KCNIP4: variants seen among roughly 807,000 people sequenced by gnomAD.
KCNIP4 encodes the protein potassium voltage-gated channel interacting protein 4.
In KCNIP4, 12 loss-of-function variants were observed where a neutral mutation model predicts 34.0. That is an observed-to-expected ratio of 0.35 (90% CI 0.23 to 0.57). KCNIP4 has a LOEUF of 0.57. Among genes scored for constraint, KCNIP4 ranks in the 20% least tolerant of loss-of-function variants. The pLI, the probability that KCNIP4 is intolerant of heterozygous loss-of-function variation, is 0.83. For synonymous variants in KCNIP4, 124 were observed against 102.2 expected (o/e 1.21, Z -1.29); for missense variants, 238 against 311.7 (o/e 0.76, Z 1.78).
intron 1 of KCNIP4, among the ~76,000 whole-genome samples, chr4:21,553,338 G>A (rs181929061): frequency 7.9e-5 from 12 of 152,242 alleles, no homozygotes; most frequent in East Asian, 3.9e-4. Context: ...TGGCAGAGGC[G>A]TTGAGAGAAT....
chr4:21,045,985 G>A (rs1742392030), intron 1 of KCNIP4, among the ~76,000 whole-genome samples: 1 of 152,140 alleles, frequency 6.6e-6, no homozygotes, highest in South Asian at 2.1e-4. Flanking sequence ...TATTTAAATA[G>A]GAGAATGGGA....
At chr4:21,894,663 GTTATT>G (rs1251297516) in intron 1 of KCNIP4, among the ~76,000 whole-genome samples, 1 of 152,100 alleles carries the variant, frequency 6.6e-6, no homozygotes, top group Non-Finnish European at 1.5e-5. Flanking sequence ...TCTGATTAGT[GTTATT>G]TTATCACTTA....
chr4:21,221,838 A>C (rs1313409566), intron 1 of KCNIP4, among the ~76,000 whole-genome samples: 1 of 152,214 alleles, frequency 6.6e-6, no homozygotes, highest in African/African-American at 2.4e-5. Context: ...TACAATCTGA[A>C]TCTAGGCAGC....
At chr4:21,782,107 A>G (rs556010569) in intron 1 of KCNIP4, among the ~76,000 whole-genome samples, 1 of 152,348 alleles carries the variant, frequency 6.6e-6, no homozygotes, top group South Asian at 2.1e-4. Flanking sequence ...AAGCATAACA[A>G]CAATTACATT....
chr4:20,947,469 G>A (rs1174774584), intron 1 of KCNIP4, among the ~76,000 whole-genome samples: 6 of 152,064 alleles, frequency 3.9e-5, no homozygotes, highest in South Asian at 2.1e-4. Flanking sequence ...ACACCTGGCT[G>A]ATATTCCTAG....
intron 1 of KCNIP4, among the ~76,000 whole-genome samples, chr4:20,988,761 C>T (rs1464217825): frequency 1.3e-5 from 2 of 152,126 alleles, no homozygotes; most frequent in East Asian, 1.9e-4. Flanking sequence ...GGGTTATTTT[C>T]GATTGAAGGC....
At chr4:21,512,030 A>AGAAGGAAGGAGGGAAGGAAAAAGAAT (rs1734360393) in intron 1 of KCNIP4, among the ~76,000 whole-genome samples, 1 of 148,956 alleles carries the variant, frequency 6.7e-6, no homozygotes, top group East Asian at 2.0e-4. Context: ...AGGGAGGAAG[A>AGAAGGAAGGAGGGAAGGAAAAAGAAT]GAAGGAAGGA....
intron 1 of KCNIP4, among the ~76,000 whole-genome samples, chr4:21,775,927 G>A (rs1177702811): frequency 2.6e-5 from 4 of 152,222 alleles, no homozygotes; most frequent in African/African-American, 4.8e-5. Context: ...CCCCTAAGGA[G>A]CTCAAATGGG....
chr4:20,752,827 A>G (rs1753883026), intron 4 of KCNIP4: 1 of 152,238 alleles, frequency 6.6e-6, no homozygotes, highest in Non-Finnish European at 1.5e-5. Context: ...GAAACTGTCT[A>G]CAAAAGCATC....
At chr4:21,941,830 CA>C (rs1730219327) in intron 1 of KCNIP4, among the ~76,000 whole-genome samples, 1 of 152,176 alleles carries the variant, frequency 6.6e-6, no homozygotes, top group South Asian at 2.1e-4. Flanking sequence ...GCCAAATGCT[CA>C]ATATGGAAAA....
At chr4:21,514,297 C>T (rs1460478) in intron 1 of KCNIP4, among the ~76,000 whole-genome samples, 49,008 of 151,964 alleles carry the variant, frequency 0.32, 8,251 homozygotes, top group South Asian at 0.46. Context: ...TCTTTAGTAA[C>T]ATTTCCCAAG....
chr4:21,620,825 T>C (rs9291428), intron 1 of KCNIP4, among the ~76,000 whole-genome samples: 43,955 of 151,998 alleles, frequency 0.29, 6,612 homozygotes, highest in Non-Finnish European at 0.32. Flanking sequence ...ATGTGCTCAA[T>C]CATCCAGTCC....
chr4:21,354,969 A>G (rs148745779), intron 1 of KCNIP4, among the ~76,000 whole-genome samples: 4,404 of 152,344 alleles, frequency 0.029, 207 homozygotes, highest in East Asian at 0.2. Context: ...CAGTGCAATC[A>G]AATGAGAACT....
chr4:21,445,812 A>C (rs1727929153), intron 1 of KCNIP4, among the ~76,000 whole-genome samples: 1 of 152,210 alleles, frequency 6.6e-6, no homozygotes, highest in African/African-American at 2.4e-5. Flanking sequence ...ACAGCAAAAG[A>C]AACTACCATC....
intron 1 of KCNIP4, among the ~76,000 whole-genome samples, chr4:21,419,100 T>C (rs1191451189): frequency 1.3e-5 from 2 of 152,170 alleles, no homozygotes; most frequent in Non-Finnish European, 2.9e-5. Flanking sequence ...CGAATCAAGG[T>C]TGATGCATCC....
intron 1 of KCNIP4, among the ~76,000 whole-genome samples, chr4:21,189,563 T>A (rs546278082): frequency 6.6e-6 from 1 of 152,338 alleles, no homozygotes; most frequent in South Asian, 2.1e-4. Flanking sequence ...GATAGCTCAC[T>A]AAGTATAGTG....
At chr4:21,643,457 A>T (rs536830419) in intron 1 of KCNIP4, among the ~76,000 whole-genome samples, 1 of 152,180 alleles carries the variant, frequency 6.6e-6, no homozygotes, top group Non-Finnish European at 1.5e-5. Context: ...TTTAAGATGT[A>T]TATGAGTGCC....
chr4:20,884,633 T>C (rs1725081859), intron 1 of KCNIP4, among the ~76,000 whole-genome samples: 1 of 151,684 alleles, frequency 6.6e-6, no homozygotes, highest in Non-Finnish European at 1.5e-5. Flanking sequence ...CAAACCTCCG[T>C]GCCAGGATAT....
intron 1 of KCNIP4, among the ~76,000 whole-genome samples, chr4:21,697,054 C>T (rs1044647293): frequency 6.6e-6 from 1 of 151,698 alleles, no homozygotes; most frequent in Admixed American, 6.6e-5. Context: ...CTTGCACAAT[C>T]ATGTATTTAA....
Sources: gnomAD v4.1 joint callset for allele counts (sites outside exome capture counted in the v4.1 genomes callset) on GRCh38, gnomAD v4.1.1 for gene constraint, MANE v1.5 for transcripts, NCBI Gene and HGNC (gene_info 2026-07-23, HGNC 2026-07-21) for gene names.